SYT16: variants seen among roughly 807,000 people sequenced by gnomAD.
SYT16 encodes synaptotagmin-16.
SYT16 carries 42 observed loss-of-function variants against 61.4 expected under a neutral mutation model. That is an observed-to-expected ratio of 0.68 (90% CI 0.53 to 0.89). The LOEUF (loss-of-function observed/expected upper bound fraction) is 0.89. SYT16 is among the 40% of genes least tolerant of loss of function. The probability of loss-of-function intolerance (pLI) is 0.00; values close to 1 mark genes in which losing one functional copy is unlikely to be tolerated. For synonymous variants in SYT16, 314 were observed against 302.3 expected (o/e 1.04, Z -0.40); for missense variants, 804 against 807.3 (o/e 1.00, Z 0.05).
intron 1 of SYT16, among the ~76,000 whole-genome samples, chr14:61,862,708 T>C (rs73256488): frequency 0.14 from 20,834 of 152,224 alleles, 1,586 homozygotes; most frequent in African/African-American, 0.2. Flanking sequence ...TAGTGACATG[T>C]ATTCATTATA....
chr14:62,016,323 A>G (rs1052427307), intron 3 of SYT16, among the ~76,000 whole-genome samples: 2 of 152,184 alleles, frequency 1.3e-5, no homozygotes, highest in East Asian at 1.9e-4. Flanking sequence ...CTATCATTCA[A>G]TATTAGTGCT....
rs976479675 is a variant in SYT16, at chr14:62,046,088, T to C, written c.524-23515T>C. 6.6e-5 allele frequency among the ~76,000 whole-genome samples: 10 copies of C among 152,204 alleles called. 1 individual carries two copies. On this transcript the variant is annotated intron_variant, in intron 3 of 7. Transcript: ENST00000683842. ...CACCAACAGTGTAAAAGTGTTCCTA[T>C]TTCTCCATATCCTCTCCAGCACCTG...
chr14:61,927,905 A>C (rs1258219333), intron 1 of SYT16, among the ~76,000 whole-genome samples: 2 of 152,044 alleles, frequency 1.3e-5, no homozygotes, highest in African/African-American at 4.8e-5. Flanking sequence ...AATTGAATCA[A>C]CTTTCTCAAG....
intron 1 of SYT16, among the ~76,000 whole-genome samples, chr14:61,873,333 A>C (rs545772381): frequency 6.6e-6 from 1 of 152,288 alleles, no homozygotes; most frequent in East Asian, 1.9e-4. Context: ...ATGGGATGAG[A>C]GGATGGATAG....
intron 2 of SYT16, among the ~76,000 whole-genome samples, chr14:61,993,892 C>T (rs2052658689): frequency 6.6e-6 from 1 of 152,142 alleles, no homozygotes; most frequent in Admixed American, 6.6e-5. Flanking sequence ...GTGCTCAGCA[C>T]ACTTCTAGGC....
chr14:61,987,354 C>T (rs1383816918), intron 2 of SYT16, among the ~76,000 whole-genome samples: 1 of 152,134 alleles, frequency 6.6e-6, no homozygotes, highest in Non-Finnish European at 1.5e-5. Context: ...GCCATAAGTG[C>T]AATGGGAAGC....
rs76633466 is a variant in SYT16, at chr14:61,865,150, C to T, written c.-325+52340C>T. 6 of 1,249,702 alleles carry T rather than the reference C, an allele frequency of 4.8e-6. No homozygotes were observed. In the East Asian group the frequency reaches 1.4e-4, roughly 29 times the overall value. 77.4% of individuals were successfully genotyped at this position (1,249,702 alleles called of 1,614,324 possible). A position where few individuals can be genotyped will look rare whatever the true frequency, so the allele number is the denominator to read the frequency against. On this transcript the variant is annotated intron_variant, in intron 1 of 7. Coordinates refer to ENST00000683842, the MANE Select transcript of SYT16 (RefSeq NM_001367656.1). The stretch of plus-strand genomic sequence containing the variant: ...GCTCCTCAGCCACCGATAAATGCCG[C>T]TCCCTGCAGTTACTGGGCCCAGAGG...
chr14:61,913,066 T>C (rs2048991985), intron 1 of SYT16, among the ~76,000 whole-genome samples: 2 of 152,224 alleles, frequency 1.3e-5, no homozygotes, highest in Admixed American at 1.3e-4. Flanking sequence ...AAATCTTCCC[T>C]TCTCCCTATC....
chr14:62,066,834 A>C (rs1454637584), intron 3 of SYT16, among the ~76,000 whole-genome samples: 24 of 152,176 alleles, frequency 1.6e-4, no homozygotes, highest in Admixed American at 1.6e-3. Flanking sequence ...CCTCGCCCTC[A>C]TGGTATATGC....
At chr14:62,049,077 G>T (rs573190862) in intron 3 of SYT16, among the ~76,000 whole-genome samples, 26 of 152,262 alleles carry the variant, frequency 1.7e-4, no homozygotes, top group African/African-American at 6.3e-4. Flanking sequence ...ACAGTGGGGT[G>T]TTAAAGTCTC....
At chr14:61,944,879 T>TA (rs2050358231) in intron 1 of SYT16, among the ~76,000 whole-genome samples, 1 of 151,920 alleles carries the variant, frequency 6.6e-6, no homozygotes, top group Non-Finnish European at 1.5e-5. Flanking sequence ...AAAACCAAAA[T>TA]AAACAAATGG....
At chr14:62,064,946 C>G (rs117960587) in intron 3 of SYT16, among the ~76,000 whole-genome samples, 3 of 152,154 alleles carry the variant, frequency 2.0e-5, no homozygotes, top group African/African-American at 4.8e-5. Flanking sequence ...TGCAAGAGAT[C>G]GCAAGTTTCA....
chr14:61,865,659 T>C, intron 1 of SYT16, among the ~76,000 whole-genome samples: 1 of 152,236 alleles, frequency 6.6e-6, no homozygotes, highest in Non-Finnish European at 1.5e-5. Context: ...CTACAGTATC[T>C]GTGAATACAT....
intron 3 of SYT16, among the ~76,000 whole-genome samples, chr14:61,999,545 G>GT (rs1011752750): frequency 1.3e-5 from 2 of 151,236 alleles, no homozygotes; most frequent in African/African-American, 4.9e-5. Flanking sequence ...ACCTATCTGT[G>GT]TTTTTTCCAA....
At chr14:61,837,900 C>A (rs1272649194) in intron 1 of SYT16, among the ~76,000 whole-genome samples, 1 of 152,206 alleles carries the variant, frequency 6.6e-6, no homozygotes, top group African/African-American at 2.4e-5. Context: ...CTGCCTTTAG[C>A]TTTTTGAACT....
intron 2 of SYT16, among the ~76,000 whole-genome samples, chr14:61,992,415 T>C (rs2052589886): frequency 6.6e-6 from 1 of 152,070 alleles, no homozygotes; most frequent in African/African-American, 2.4e-5. Flanking sequence ...CAGCTAGGTA[T>C]TCAGTGAGGA....
chr14:61,955,924 C>G (rs1595007587), intron 1 of SYT16, among the ~76,000 whole-genome samples: 1 of 151,908 alleles, frequency 6.6e-6, no homozygotes, highest in Non-Finnish European at 1.5e-5. Context: ...AAAAGGGTTC[C>G]CTTTTCTTCA....
intron 1 of SYT16, among the ~76,000 whole-genome samples, chr14:61,819,610 A>T (rs1160439451): frequency 6.6e-6 from 1 of 152,194 alleles, no homozygotes; most frequent in African/African-American, 2.4e-5. Flanking sequence ...GATTTTACCC[A>T]CCCTGCATGA....
At chr14:61,849,441 G>C (rs1157306338) in intron 1 of SYT16, among the ~76,000 whole-genome samples, 1 of 152,148 alleles carries the variant, frequency 6.6e-6, no homozygotes, top group Non-Finnish European at 1.5e-5. Flanking sequence ...AATTTATTTA[G>C]GACCCCAGAG....
Sources: gnomAD v4.1 joint callset for allele counts (sites outside exome capture counted in the v4.1 genomes callset) on GRCh38, gnomAD v4.1.1 for gene constraint, MANE v1.5 for transcripts, NCBI Gene and HGNC (gene_info 2026-07-23, HGNC 2026-07-21) for gene names.